TTC3: variants seen among roughly 807,000 people sequenced by gnomAD.
TTC3 encodes tetratricopeptide repeat domain 3.
In TTC3, 180 loss-of-function variants were observed where a neutral mutation model predicts 249.6. The ratio of observed to expected loss-of-function variants is 0.72; its 90% CI spans 0.64 to 0.82. The LOEUF (loss-of-function observed/expected upper bound fraction) is 0.82, where lower values mean the gene tolerates loss of function less well. TTC3 is among the 40% of genes least tolerant of loss of function. TTC3 has a pLI of 0.00. For synonymous variants in TTC3, 717 were observed against 805.0 expected (o/e 0.89, Z 1.85); for missense variants, 2,061 against 2,398.4 (o/e 0.86, Z 2.94).
chr21:37,177,049 T>G (rs1379487860), intron 35 of TTC3, among the ~76,000 whole-genome samples: 1 of 152,264 alleles, frequency 6.6e-6, no homozygotes, highest in East Asian at 1.9e-4. Flanking sequence ...CTGCTTGGGC[T>G]CGGCTGGGTC....
At chr21:37,135,429 A>C in exon 18 of TTC3, 1 of 1,614,060 alleles carries the variant, frequency 6.2e-7, no homozygotes, top group Non-Finnish European at 8.5e-7. Context: ...CAAGATGGCT[A>C]TATGGCCTTA....
chr21:37,182,789 T>C, exon 36 of TTC3: 2 of 1,591,816 alleles, frequency 1.3e-6, no homozygotes, highest in Non-Finnish European at 1.7e-6. Flanking sequence ...AAAGACGGAA[T>C]TAGATTGGTT....
intron 35 of TTC3, among the ~76,000 whole-genome samples, chr21:37,180,412 A>G (rs947401166): frequency 2.6e-5 from 4 of 150,996 alleles, no homozygotes; most frequent in Admixed American, 1.3e-4. Flanking sequence ...TTTTTACACC[A>G]TGGAATACTA....
At chr21:37,169,690 T>TA (rs1204850649) in intron 34 of TTC3, among the ~76,000 whole-genome samples, 8 of 143,026 alleles carry the variant, frequency 5.6e-5, no homozygotes, top group Admixed American at 2.8e-4. Context: ...CTACTAAAAT[T>TA]AAAAAAAATT....
exon 7 of TTC3, chr21:37,091,358 T>A: frequency 6.2e-7 from 1 of 1,611,260 alleles, no homozygotes; most frequent in South Asian, 1.1e-5. Context: ...CAATTCTAAC[T>A]AAATTAGGAT....
chr21:37,182,522 C>A (rs922029290), intron 35 of TTC3, among the ~76,000 whole-genome samples: 2 of 152,170 alleles, frequency 1.3e-5, no homozygotes, highest in Non-Finnish European at 2.9e-5. Context: ...CTGGGCACGT[C>A]GGAGTGGTTC....
At chr21:37,192,819 A>G (rs1376245859) in intron 41 of TTC3, among the ~76,000 whole-genome samples, 1 of 152,132 alleles carries the variant, frequency 6.6e-6, no homozygotes, top group Non-Finnish European at 1.5e-5. Context: ...TTGTCTTTTT[A>G]TTTTAATATA....
chr21:37,142,776 C>A (rs2078605559), intron 20 of TTC3, among the ~76,000 whole-genome samples: 1 of 152,148 alleles, frequency 6.6e-6, no homozygotes, highest in African/African-American at 2.4e-5. Context: ...AAAAAAGAGC[C>A]CGCATTGCCA....
chr21:37,160,890 TA>T (rs1293062367), intron 30 of TTC3, 32 bp downstream of exon 30: 5 of 1,597,696 alleles, frequency 3.1e-6, no homozygotes, highest in Non-Finnish European at 4.3e-6. Flanking sequence ...AATTCTTGTC[TA>T]AACTCTCCAA....
chr21:37,125,633 A>G (rs1881619571), intron 14 of TTC3, among the ~76,000 whole-genome samples: 1 of 151,668 alleles, frequency 6.6e-6, no homozygotes, highest in African/African-American at 2.4e-5. Flanking sequence ...TATATTTAAT[A>G]ATTTATTATA....
At chr21:37,102,300 C>G (rs1240489584) in intron 10 of TTC3, among the ~76,000 whole-genome samples, 1 of 152,104 alleles carries the variant, frequency 6.6e-6, no homozygotes, top group Non-Finnish European at 1.5e-5. Context: ...CTTTATTGAT[C>G]TGGTCATATC....
intron 16 of TTC3, among the ~76,000 whole-genome samples, chr21:37,129,975 A>G (rs1265537217): frequency 6.6e-6 from 1 of 152,228 alleles, no homozygotes; most frequent in African/African-American, 2.4e-5. Flanking sequence ...CATTGACAAC[A>G]AGATATAAAT....
Position 37,123,479 on chromosome 21 carries a change from A to T in TTC3, c.1109+451A>T, listed in dbSNP as rs188286994. Among the ~76,000 whole-genome samples the T allele has an allele frequency of 1.9e-4, 29 of 152,334 alleles. 1 individual carries two copies. The East Asian group carries it at 5.2e-3, about 27-fold the overall frequency. ...TCTTTCAAAGGCTAAGATACTTCCT[A>T]TTAGAAATAGGCAACAGATAGACTT... On this transcript the variant is annotated intron_variant, in intron 13 of 45. Coordinates refer to ENST00000355666, the Ensembl canonical transcript of TTC3.
At chr21:37,140,703 T>C (rs1284100686) in intron 20 of TTC3, 30 bp downstream of exon 20, 4 of 1,462,122 alleles carry the variant, frequency 2.7e-6, no homozygotes, top group Middle Eastern at 1.8e-4. Flanking sequence ...CTTTAAGCTC[T>C]AGGCTGGTAA....
chr21:37,077,822 CTTT>C (rs1469057616), intron 1 of TTC3, among the ~76,000 whole-genome samples: 1 of 152,050 alleles, frequency 6.6e-6, no homozygotes, highest in African/African-American at 2.4e-5. Flanking sequence ...TTGTAAATAT[CTTT>C]TTCTGGTTTG....
chr21:37,126,078 A>G lies in TTC3; in HGVS notation c.1234-2A>G. On this transcript the variant is annotated splice_acceptor_variant, in intron 14 of 45. Coordinates refer to ENST00000355666, the Ensembl canonical transcript of TTC3. LOFTEE classifies it high-confidence loss of function. ...TTTAAGTCTCACTAATTTCATTGGC[A>G]GGTGGCGGATGAGGCGTTGAAGGTA... 6.2e-7 allele frequency: 1 copy of G among 1,602,104 alleles called. No individual in the cohort carries two copies. Among genetic ancestry groups the G allele is most frequent in the East Asian group, 2.2e-5 (1 of 44,712 alleles).
At chr21:37,188,539 A>G in exon 39 of TTC3, 2 of 1,614,066 alleles carry the variant, frequency 1.2e-6, no homozygotes, top group Non-Finnish European at 1.7e-6. Flanking sequence ...TGTATAAGCT[A>G]CAGATCATGG....
intron 1 of TTC3, 85 bp from the exon 2 acceptor site, chr21:37,087,162 C>G: frequency 2.7e-6 from 4 of 1,464,928 alleles, no homozygotes; most frequent in Non-Finnish European, 3.7e-6. Flanking sequence ...AAGTATTTTT[C>G]TAATATACCA....
At chr21:37,176,362 T>C in intron 35 of TTC3, among the ~76,000 whole-genome samples, 1 of 152,258 alleles carries the variant, frequency 6.6e-6, no homozygotes, top group Non-Finnish European at 1.5e-5. Context: ...TATTTATTAA[T>C]CAGTCACTCC....
Sources: allele counts gnomAD v4.1 joint callset (sites outside exome capture counted in the v4.1 genomes callset), GRCh38; gene constraint gnomAD v4.1.1; transcripts MANE v1.5; gene names NCBI Gene and HGNC (gene_info 2026-07-23, HGNC 2026-07-21).